Variants in CCDC83 observed in about 807,000 individuals in gnomAD.
The protein encoded by CCDC83 is coiled-coil domain-containing protein 83.
CCDC83 carries 54 observed loss-of-function variants against 50.1 expected under a neutral mutation model. The observed-to-expected ratio is 1.08, with a 90% confidence interval of 0.87 to 1.35. The LOEUF is 1.35. Among genes scored for constraint, CCDC83 ranks in the 40% most tolerant of loss-of-function variants. The probability of loss-of-function intolerance (pLI) is 0.00; values close to 1 mark genes in which losing one functional copy is unlikely to be tolerated. For synonymous variants in CCDC83, 161 were observed against 153.3 expected, an observed-to-expected ratio of 1.05 and a Z score of -0.37; for missense variants, 518 against 473.9, an observed-to-expected ratio of 1.09 and a Z score of -0.86.
chr11:85,908,608 TAGAC>T (rs1190770845), intron 7 of CCDC83, among the ~76,000 whole-genome samples: 20 of 133,246 alleles, frequency 1.5e-4, no homozygotes, highest in South Asian at 2.5e-4. Context: ...GATAGATAGA[TAGAC>T]AGATAGAATT....
chr11:85,917,159 A>AGAGAGG (rs2093482144), intron 10 of CCDC83, among the ~76,000 whole-genome samples: 1 of 101,720 alleles, frequency 9.8e-6, no homozygotes, highest in African/African-American at 3.8e-5. Flanking sequence ...AGAGAGAGAG[A>AGAGAGG]GAGAGAGAGA....
intron 5 of CCDC83, among the ~76,000 whole-genome samples, chr11:85,891,856 C>G (rs1394050368): frequency 6.6e-6 from 1 of 152,126 alleles, no homozygotes; most frequent in African/African-American, 2.4e-5. Context: ...AGTCACAATG[C>G]TAGTAACAAA....
At chr11:85,858,926 T>C (rs1028244554) in intron 1 of CCDC83, among the ~76,000 whole-genome samples, 1 of 152,072 alleles carries the variant, frequency 6.6e-6, no homozygotes, top group African/African-American at 2.4e-5. Flanking sequence ...GTCTCTGTTT[T>C]ATAGGAGTTA....
chr11:85,882,925 C>T (rs1273010363), intron 4 of CCDC83, among the ~76,000 whole-genome samples: 1 of 152,010 alleles, frequency 6.6e-6, no homozygotes, highest in Non-Finnish European at 1.5e-5. Flanking sequence ...ATTTATCTGA[C>T]TGTTTTTTTT....
chr11:85,898,167 A>G (rs1245383177), intron 6 of CCDC83, among the ~76,000 whole-genome samples: 1 of 152,042 alleles, frequency 6.6e-6, no homozygotes, highest in Non-Finnish European at 1.5e-5. Flanking sequence ...AAAAAAAAAA[A>G]AAAGACTTTA....
At chr11:85,919,314 C>T (rs201412694) in intron 10 of CCDC83, 35 bp from the exon 11 acceptor site, 1 of 1,550,166 alleles carries the variant, frequency 6.5e-7, no homozygotes, top group Admixed American at 2.2e-5. Flanking sequence ...TGCTGAATCA[C>T]CTCTCCTATT....
intron 1 of CCDC83, among the ~76,000 whole-genome samples, chr11:85,862,203 A>G (rs1335060284): frequency 6.6e-6 from 1 of 152,040 alleles, no homozygotes; most frequent in Non-Finnish European, 1.5e-5. Flanking sequence ...CTTTTCACTG[A>G]GAGGCGTTTG....
intron 3 of CCDC83, among the ~76,000 whole-genome samples, chr11:85,875,619 TC>T (rs1566074207): frequency 6.6e-6 from 1 of 152,228 alleles, no homozygotes; most frequent in Non-Finnish European, 1.5e-5. Flanking sequence ...CAGTCTTACT[TC>T]TTTGTTTCTC....
chr11:85,893,339 T>A (rs1298310246), intron 5 of CCDC83, among the ~76,000 whole-genome samples: 11 of 152,204 alleles, frequency 7.2e-5, no homozygotes, highest in Non-Finnish European at 8.8e-5. Context: ...GAGGGCTGAA[T>A]AACTCTTGCC....
chr11:85,898,954 T>TA lies in CCDC83; in HGVS notation c.614dup (p.Leu206AlafsTer3). On this transcript the variant is annotated frameshift_variant, in exon 7 of 11. Transcript: ENST00000342404. LOFTEE classifies it high-confidence loss of function. ...CCAGAAACTTTCTTTTAGAATGCTG[T>TA]AAAGCTCATTGACAAGGGCAGTTAT... 1.2e-6 allele frequency: 2 copies of TA among 1,611,210 alleles called. No individual in the cohort carries two copies. Among genetic ancestry groups the TA allele is most frequent in the Non-Finnish European group, 1.7e-6 (2 of 1,178,076 alleles).
chr11:85,892,277 C>T (rs1447745406), intron 5 of CCDC83, among the ~76,000 whole-genome samples: 1 of 152,150 alleles, frequency 6.6e-6, no homozygotes, highest in Admixed American at 6.5e-5. Context: ...TCCTAATCTG[C>T]CAAGCTCCCC....
chr11:85,871,529 T>C (rs1316140374), intron 2 of CCDC83, among the ~76,000 whole-genome samples: 4 of 151,756 alleles, frequency 2.6e-5, no homozygotes, highest in African/African-American at 7.3e-5. Flanking sequence ...ACAAATATAA[T>C]TGATGTTTGG....
chr11:85,914,793 G>A (rs935276077), intron 8 of CCDC83, among the ~76,000 whole-genome samples: 6 of 152,230 alleles, frequency 3.9e-5, no homozygotes, highest in Admixed American at 1.3e-4. Flanking sequence ...CCCGAGACTG[G>A]GTAATTTAGA....
chr11:85,918,721 T>A (rs1244026970), intron 10 of CCDC83, among the ~76,000 whole-genome samples: 1 of 152,120 alleles, frequency 6.6e-6, no homozygotes, highest in African/African-American at 2.4e-5. Context: ...CAAAGATGAC[T>A]TGGAGGCCTT....
intron 7 of CCDC83, among the ~76,000 whole-genome samples, chr11:85,905,033 A>C (rs529889340): frequency 1.3e-5 from 2 of 152,354 alleles, no homozygotes; most frequent in African/African-American, 4.8e-5. Context: ...TTGTTGGCTC[A>C]TGCCTGTAAT....
intron 7 of CCDC83, among the ~76,000 whole-genome samples, chr11:85,903,132 C>T (rs1417128817): frequency 6.6e-6 from 1 of 151,920 alleles, no homozygotes; most frequent in Non-Finnish European, 1.5e-5. Flanking sequence ...ACATAGGAGG[C>T]TGAGGCAGGA....
At position 85,882,549 on chromosome 11, in the gene CCDC83, C is replaced by A. The variant is rs201645618; in HGVS notation, c.217C>A (p.Arg73=). Residue 73 remains arginine (R), a synonymous_variant, in exon 4 of 11, where the codon CGG becomes AGG. Coordinates refer to ENST00000342404, the MANE Select transcript of CCDC83 (RefSeq NM_001286159.2). ...RLKEEQIWHI[R]HLLKELSEEK... ...AAAAGAAGAACAGATTTGGCACATA[C>A]GGCATCTACTAAAGGAACTGAGTGA... is the stretch of plus-strand genomic sequence containing the variant. The A allele has an allele frequency of 2.5e-6, 4 of 1,613,616 alleles. No individual in the cohort carries two copies. Among genetic ancestry groups the A allele is most frequent in the Non-Finnish European group, 3.4e-6 (4 of 1,179,804 alleles).
chr11:85,907,751 C>G (rs950237726), intron 7 of CCDC83, among the ~76,000 whole-genome samples: 2 of 152,152 alleles, frequency 1.3e-5, no homozygotes, highest in African/African-American at 4.8e-5. Context: ...TTGAGGAGCA[C>G]ATTACTATTC....
At chr11:85,913,583 A>G (rs563068299) in intron 8 of CCDC83, among the ~76,000 whole-genome samples, 1 of 152,244 alleles carries the variant, frequency 6.6e-6, no homozygotes, top group Admixed American at 6.5e-5. Flanking sequence ...AATAGACATG[A>G]ACTGTCTCCA....
Sources: allele counts gnomAD v4.1 joint callset (sites outside exome capture counted in the v4.1 genomes callset), GRCh38; gene constraint gnomAD v4.1.1; transcripts MANE v1.5; gene names NCBI Gene and HGNC (gene_info 2026-07-23, HGNC 2026-07-21).